PCSK2: variants seen among roughly 807,000 people sequenced by gnomAD.
The protein encoded by PCSK2 is proprotein convertase subtilisin/kexin type 2, also known as neuroendocrine convertase 2.
In PCSK2, 14 loss-of-function variants were observed where a neutral mutation model predicts 69.7. That is an observed-to-expected ratio of 0.20 (90% CI 0.13 to 0.31). PCSK2 has a LOEUF of 0.31. Among genes scored for constraint, PCSK2 ranks in the 10% least tolerant of loss-of-function variants. The pLI, the probability that PCSK2 is intolerant of heterozygous loss-of-function variation, is 1.00. For missense variants in PCSK2, 544 were observed against 842.5 expected (o/e 0.65, Z 4.39); for synonymous variants, 307 against 320.7 (o/e 0.96, Z 0.46).
chr20:17,288,515 G>T (rs973684308), intron 2 of PCSK2, among the ~76,000 whole-genome samples: 1 of 152,150 alleles, frequency 6.6e-6, no homozygotes, highest in Non-Finnish European at 1.5e-5. Context: ...GGGCTGAATT[G>T]TTTCCCCCCA....
chr20:17,460,512 A>G (rs2032997575), intron 10 of PCSK2, among the ~76,000 whole-genome samples: 1 of 152,348 alleles, frequency 6.6e-6, no homozygotes, highest in Middle Eastern at 3.4e-3. Flanking sequence ...GGAGGGAAAT[A>G]CAACTGCTAA....
At chr20:17,461,291 C>A (rs776876876) in intron 10 of PCSK2, among the ~76,000 whole-genome samples, 1 of 152,094 alleles carries the variant, frequency 6.6e-6, no homozygotes, top group Non-Finnish European at 1.5e-5. Flanking sequence ...CTCACAAATG[C>A]ATTATTTTTC....
chr20:17,227,369 T>C lies in PCSK2; in HGVS notation c.64T>C (p.Phe22Leu). The part of the protein sequence containing the change: ...AAGFLFCVMV[F>L]ASAERPVFTN... ...CGGGTTCCTCTTCTGTGTCATGGTT[T>C]TTGCATCTGCTGAGCGACCGGTCTT... Residue 22 changes from phenylalanine to leucine, a missense_variant, in exon 1 of 12, where the codon TTT (phenylalanine) becomes CTT (leucine). By Grantham distance (22) the Phe-to-Leu change is conservative. Coordinates refer to ENST00000262545, the MANE Select transcript of PCSK2 (RefSeq NM_002594.5). 6.2e-7 allele frequency: 1 copy of C among 1,614,016 alleles called. No individual in the cohort carries two copies. Among genetic ancestry groups the C allele is most frequent in the South Asian group, 1.1e-5 (1 of 91,076 alleles).
intron 1 of PCSK2, among the ~76,000 whole-genome samples, chr20:17,243,944 T>C (rs935323475): frequency 6.6e-6 from 1 of 152,174 alleles, no homozygotes; most frequent in African/African-American, 2.4e-5. Context: ...GATTGAACTT[T>C]GGGCCAGATT....
At chr20:17,412,366 G>A (rs949036601) in intron 6 of PCSK2, among the ~76,000 whole-genome samples, 8 of 152,250 alleles carry the variant, frequency 5.3e-5, no homozygotes, top group East Asian at 1.9e-4. Flanking sequence ...ACCATGGCAC[G>A]AGAACTTCGT....
chr20:17,306,820 G>A (rs1174561024), intron 2 of PCSK2, among the ~76,000 whole-genome samples: 5 of 152,176 alleles, frequency 3.3e-5, no homozygotes, highest in African/African-American at 1.2e-4. Context: ...TGAGGAAATA[G>A]ATGTCAGACC....
intron 2 of PCSK2, among the ~76,000 whole-genome samples, chr20:17,288,531 A>G (rs904306807): frequency 6.6e-6 from 1 of 152,146 alleles, no homozygotes; most frequent in Non-Finnish European, 1.5e-5. Context: ...CCCCAGATTC[A>G]TATGTTGAAG....
At chr20:17,300,865 G>T (rs890276183) in intron 2 of PCSK2, among the ~76,000 whole-genome samples, 1 of 152,144 alleles carries the variant, frequency 6.6e-6, no homozygotes, top group South Asian at 2.1e-4. Flanking sequence ...ATAATAGTGT[G>T]TAATAGTAAG....
chr20:17,442,163 A>G (rs6034827), intron 8 of PCSK2, among the ~76,000 whole-genome samples: 100,458 of 151,310 alleles, frequency 0.66, 33,706 homozygotes, highest in African/African-American at 0.75. Context: ...GGAGCTGGGA[A>G]AGGAATGGGA....
At chr20:17,383,183 T>A (rs186472160) in intron 5 of PCSK2, among the ~76,000 whole-genome samples, 10 of 152,178 alleles carry the variant, frequency 6.6e-5, no homozygotes, top group African/African-American at 2.2e-4. Context: ...GCTTTCCTCT[T>A]TTTCTTTTGC....
At chr20:17,284,038 T>C (rs1309239297) in intron 2 of PCSK2, among the ~76,000 whole-genome samples, 2 of 152,212 alleles carry the variant, frequency 1.3e-5, no homozygotes, top group Non-Finnish European at 2.9e-5. Flanking sequence ...CAGGAATCCA[T>C]GTAGCCCTGA....
intron 11 of PCSK2, among the ~76,000 whole-genome samples, chr20:17,471,330 CA>C (rs1204048997): frequency 6.6e-6 from 1 of 152,132 alleles, no homozygotes; most frequent in Non-Finnish European, 1.5e-5. Context: ...CACAACTATC[CA>C]GGAACTTTAT....
At chr20:17,342,662 C>A (rs1336877021) in intron 2 of PCSK2, among the ~76,000 whole-genome samples, 1 of 150,252 alleles carries the variant, frequency 6.7e-6, no homozygotes, top group Non-Finnish European at 1.5e-5. Flanking sequence ...GAGACAGGGT[C>A]GTGCTCTGTT....
intron 5 of PCSK2, among the ~76,000 whole-genome samples, chr20:17,393,870 G>C (rs2031446776): frequency 6.6e-6 from 1 of 152,126 alleles, no homozygotes; most frequent in Non-Finnish European, 1.5e-5. Context: ...AAAAAAGGAG[G>C]CTTGAAATAT....
chr20:17,435,552 G>T (rs75357299), intron 7 of PCSK2, among the ~76,000 whole-genome samples: 3,255 of 152,228 alleles, frequency 0.021, 42 homozygotes, highest in Middle Eastern at 0.041. Context: ...TGACGTGCTC[G>T]CCATGTTAGA....
Position 17,436,949 on chromosome 20 carries a change from A to G in PCSK2, c.885+66A>G. The G allele has an allele frequency of 1.2e-5, 16 of 1,376,688 alleles. 1 individual carries two copies. The South Asian group carries it at 2.3e-4, about 19-fold the overall frequency. 85.3% of individuals were successfully genotyped at this position (1,376,688 alleles called of 1,614,324 possible). On this transcript the variant is annotated intron_variant, in intron 8 of 11. Coordinates refer to ENST00000262545, the MANE Select transcript of PCSK2 (RefSeq NM_002594.5). ...TGGGACAAAGTGGGTGGAGGGGTAG[A>G]TGCAACTGGGTGAACCACTGTCACC...
At chr20:17,407,573 ATC>A (rs35983829) in intron 5 of PCSK2, among the ~76,000 whole-genome samples, 27,464 of 152,170 alleles carry the variant, frequency 0.18, 2,843 homozygotes, top group African/African-American at 0.29. Flanking sequence ...TCAAAATAGT[ATC>A]TCTGAAAAAA....
intron 2 of PCSK2, among the ~76,000 whole-genome samples, chr20:17,279,820 C>A (rs1033395311): frequency 6.6e-6 from 1 of 151,688 alleles, no homozygotes; most frequent in African/African-American, 2.4e-5. Context: ...TGTGGCCCAT[C>A]CACATGCAAA....
chr20:17,232,880 A>C (rs147372192), intron 1 of PCSK2, among the ~76,000 whole-genome samples: 24 of 152,338 alleles, frequency 1.6e-4, no homozygotes, highest in Admixed American at 2.6e-4. Flanking sequence ...TTCTTCTGGA[A>C]CTAAAAGATT....
Sources: gnomAD v4.1 joint callset for allele counts (sites outside exome capture counted in the v4.1 genomes callset) on GRCh38, gnomAD v4.1.1 for gene constraint, MANE v1.5 for transcripts, NCBI Gene and HGNC (gene_info 2026-07-23, HGNC 2026-07-21) for gene names.